The following FAXDC2 variants were observed in gnomAD, a reference collection of about 807,000 sequenced individuals.
The protein encoded by FAXDC2 is fatty acid hydroxylase domain containing 2.
Under a neutral mutation model 40.9 loss-of-function variants are expected in FAXDC2, and 41 were observed. The observed-to-expected ratio is 1.00, with a 90% confidence interval of 0.78 to 1.30. FAXDC2 has a LOEUF of 1.30. Among genes scored for constraint, FAXDC2 ranks in the 50% most tolerant of loss-of-function variants. The pLI is 0.00. For synonymous variants in FAXDC2, 157 were observed against 149.3 expected, an observed-to-expected ratio of 1.05 and a Z score of -0.38; for missense variants, 390 against 408.8, an observed-to-expected ratio of 0.95 and a Z score of 0.40.
At chr5:154,820,511 AG>A in intron 8 of FAXDC2, 39 bp from the exon 9 acceptor site, 1 of 1,560,786 alleles carries the variant, frequency 6.4e-7, no homozygotes, top group Non-Finnish European at 8.7e-7. Flanking sequence ...CCCATGCTGG[AG>A]GCTTCCGTGC....
intron 4 of FAXDC2, among the ~76,000 whole-genome samples, chr5:154,833,217 T>C (rs981792159): frequency 1.3e-5 from 2 of 148,284 alleles, no homozygotes; most frequent in African/African-American, 5.0e-5. Flanking sequence ...TTTGTACTTT[T>C]AGTAGAGACA....
intron 5 of FAXDC2, chr5:154,824,586 C>A: frequency 1.4e-6 from 1 of 702,382 alleles, no homozygotes; most frequent in Admixed American, 2.0e-5. Flanking sequence ...TTAGGTGAGG[C>A]CATTACACCT....
chr5:154,831,959 A>G (rs1760203606), intron 4 of FAXDC2, among the ~76,000 whole-genome samples: 1 of 152,192 alleles, frequency 6.6e-6, no homozygotes, highest in Non-Finnish European at 1.5e-5. Context: ...AATGGAATAG[A>G]ATGGGAAGCT....
rs2113112605 is a variant in FAXDC2, at chr5:154,819,515, A to T, written c.*801T>A. 6.6e-6 allele frequency: 1 copy of T among 152,022 alleles called. No homozygotes were observed. Among genetic ancestry groups the T allele is most frequent in the South Asian group, 2.1e-4 (1 of 4,800 alleles). The allele number at this position is 152,022 out of a possible 1,614,324, so 9.4% of individuals were successfully genotyped here. ...GTGTCCCCAAAGGGCAGCAACTTTG[A>T]CCCCTCCCCTTGTGGGTAAAAGGGC... On this transcript the variant is annotated 3_prime_UTR_variant, in exon 9 of 9. Transcript: ENST00000326080.
rs1364499303 is a variant in FAXDC2, at chr5:154,823,476, G to T, written c.483C>A (p.Cys161Ter). ...AGTGGAAGGTGGGTAGCTCACGGCG[G>T]CAGGGGTCTCTCCACCATTTGAGGA... ...YPFLKWWRDP[C>*]RRELPTFHWF... is the part of the protein sequence containing the mutation. The change falls in exon 6 of 9, where the codon TGC becomes TGA. Residue 161 changes from cysteine to a stop codon, truncating the protein, a stop_gained. Coordinates refer to ENST00000326080, the MANE Select transcript of FAXDC2 (RefSeq NM_032385.5). LOFTEE classifies it high-confidence loss of function. 1.9e-6 allele frequency: 3 copies of T among 1,614,204 alleles called. No homozygotes were observed. The highest frequency in any genetic ancestry group is 4.5e-5 in the East Asian group (2 of 44,892).
At chr5:154,842,504 C>CTT (rs1760498676) in intron 1 of FAXDC2, among the ~76,000 whole-genome samples, 3 of 130,688 alleles carry the variant, frequency 2.3e-5, no homozygotes, top group African/African-American at 5.7e-5. Context: ...GCGCTCAGCC[C>CTT]TTTGTGTGTT....
At chr5:154,825,731 G>C (rs1450568477) in intron 5 of FAXDC2, among the ~76,000 whole-genome samples, 1 of 149,898 alleles carries the variant, frequency 6.7e-6, no homozygotes, top group Non-Finnish European at 1.5e-5. Flanking sequence ...GAAGTGGTGA[G>C]AAGTGGTAAG....
intron 1 of FAXDC2, among the ~76,000 whole-genome samples, chr5:154,841,576 A>G (rs1174463575): frequency 6.6e-6 from 1 of 152,190 alleles, no homozygotes; most frequent in Non-Finnish European, 1.5e-5. Context: ...AAGATTCCAA[A>G]GAATTATTCT....
In FAXDC2 at chr5:154,820,243, G is replaced by T; in HGVS notation, c.*73C>A. On this transcript the variant is annotated 3_prime_UTR_variant, in exon 9 of 9. Coordinates refer to ENST00000326080, the MANE Select transcript of FAXDC2 (RefSeq NM_032385.5). ...GGCGTGTGGCCGAAGGAGGCAAATT[G>T]TTAGGTGCAATCAGGAAGCCGTGTC... is the stretch of plus-strand genomic sequence containing the variant. 1 of 1,314,502 alleles carries T rather than the reference G, an allele frequency of 7.6e-7. No homozygotes were observed. The highest frequency in any genetic ancestry group is 1.0e-6 in the Non-Finnish European group (1 of 952,706). 81.4% of individuals were successfully genotyped at this position (1,314,502 alleles called of 1,614,324 possible).
At chr5:154,844,862 G>A (rs777161253) in intron 1 of FAXDC2, among the ~76,000 whole-genome samples, 1 of 152,148 alleles carries the variant, frequency 6.6e-6, no homozygotes, top group Non-Finnish European at 1.5e-5. Flanking sequence ...TCCATGTTAT[G>A]GAAACTGCGT....
chr5:154,828,692 G>T (rs1370598953), intron 5 of FAXDC2, among the ~76,000 whole-genome samples: 6 of 151,546 alleles, frequency 4.0e-5, no homozygotes, highest in African/African-American at 1.2e-4. Flanking sequence ...GAACTCCTAG[G>T]TTCAAGTGAT....
In FAXDC2 at chr5:154,820,152, C is replaced by G; in HGVS notation, c.*164G>C. The G allele has an allele frequency of 3.3e-6, 2 of 610,480 alleles. No individual in the cohort carries two copies. The highest frequency in any genetic ancestry group is 6.0e-6 in the Non-Finnish European group (2 of 335,688). 37.8% of individuals were successfully genotyped at this position (610,480 alleles called of 1,614,324 possible). A position where few individuals can be genotyped will look rare whatever the true frequency, so the allele number is the denominator to read the frequency against. ...ATCAAGGGCAGTAGTTTGAAGAAAG[C>G]CTCATCCTTGGCCCTGCTTTTCCGG... On this transcript the variant is annotated 3_prime_UTR_variant, in exon 9 of 9. Coordinates refer to ENST00000326080, the MANE Select transcript of FAXDC2 (RefSeq NM_032385.5).
intron 1 of FAXDC2, among the ~76,000 whole-genome samples, chr5:154,848,663 T>C (rs938112329): frequency 1.3e-5 from 2 of 152,266 alleles, no homozygotes; most frequent in East Asian, 1.9e-4. Flanking sequence ...GTGGCCGATA[T>C]TCATTTAAGA....
intron 4 of FAXDC2, chr5:154,831,139 G>T (rs1337885788): frequency 2.2e-6 from 1 of 457,618 alleles, no homozygotes; most frequent in Non-Finnish European, 4.0e-6. Context: ...CATAAAATAG[G>T]GACAACCTTC....
intron 5 of FAXDC2, chr5:154,824,349 C>A: frequency 1.6e-6 from 1 of 628,542 alleles, no homozygotes; most frequent in Non-Finnish European, 2.9e-6. Context: ...TTCCTGGATC[C>A]TGATGAACTT....
chr5:154,828,922 CTTTT>C (rs374113320), intron 5 of FAXDC2, among the ~76,000 whole-genome samples: 6 of 132,520 alleles, frequency 4.5e-5, no homozygotes, highest in African/African-American at 5.7e-5. Context: ...TTCTTTTTTT[CTTTT>C]TTTTTTTTTT....
intron 7 of FAXDC2, chr5:154,822,187 G>A (rs890758322): frequency 9.5e-6 from 3 of 315,132 alleles, no homozygotes; most frequent in Non-Finnish European, 1.8e-5. Context: ...GAGCCCAGGG[G>A]TTGGAGGCTG....
At chr5:154,849,611 C>T (rs1278227459) in intron 1 of FAXDC2, among the ~76,000 whole-genome samples, 1 of 152,214 alleles carries the variant, frequency 6.6e-6, no homozygotes, top group Non-Finnish European at 1.5e-5. Context: ...ATTTTAGCAC[C>T]ATTCCCTTGT....
In FAXDC2 at chr5:154,825,650, C is replaced by CAAAAAAA. The variant is rs386358555; in HGVS notation, c.367-2065_367-2059dup. On this transcript the variant is annotated intron_variant, in intron 5 of 8. Coordinates refer to ENST00000326080, the MANE Select transcript of FAXDC2 (RefSeq NM_032385.5). ...TGGGTGACAGAGTGAGACTCCGTCT[C>CAAAAAAA]AAAAAAAAAAAAAAAAAAGCAGTAA... is the stretch of plus-strand genomic sequence containing the variant. Among the ~76,000 whole-genome samples, 277 of 30,134 alleles carry CAAAAAAA rather than the reference C, an allele frequency of 9.2e-3. 90 individuals are homozygous for CAAAAAAA. The highest frequency in any genetic ancestry group is 0.012 in the Non-Finnish European group (209 of 17,276). 19.8% of individuals were successfully genotyped at this position (30,134 alleles called of 152,430 possible).
Sources: allele counts gnomAD v4.1 joint callset (sites outside exome capture counted in the v4.1 genomes callset), GRCh38; gene constraint gnomAD v4.1.1; transcripts MANE v1.5; gene names NCBI Gene and HGNC (gene_info 2026-07-23, HGNC 2026-07-21).